The following GULP1 variants were observed in gnomAD, a reference collection of about 807,000 sequenced individuals.
GULP1 encodes GULP PTB domain containing engulfment adaptor 1, also known as PTB domain-containing engulfment adapter protein 1.
Under a neutral mutation model 40.9 loss-of-function variants are expected in GULP1, and 19 were observed. The ratio of observed to expected loss-of-function variants is 0.46; its 90% CI spans 0.32 to 0.68. The LOEUF is 0.68. Ranked by LOEUF, GULP1 falls within the 30% of genes least tolerant of loss-of-function variation. GULP1 has a pLI of 0.03. For missense variants in GULP1, 312 were observed against 362.2 expected (o/e 0.86, Z 1.12); for synonymous variants, 119 against 117.6 (o/e 1.01, Z -0.08).
intron 2 of GULP1, among the ~76,000 whole-genome samples, chr2:188,474,822 A>T (rs1423188134): frequency 6.6e-6 from 1 of 152,102 alleles, no homozygotes; most frequent in Non-Finnish European, 1.5e-5. Flanking sequence ...AAAAGTAACA[A>T]TTTTTTAATA....
chr2:188,362,400 GA>G (rs1166540454), intron 1 of GULP1, among the ~76,000 whole-genome samples: 1 of 151,950 alleles, frequency 6.6e-6, no homozygotes, highest in East Asian at 1.9e-4. Context: ...CTCATTTTTG[GA>G]AATGTTTTTC....
At chr2:188,403,852 T>C (rs527604860) in intron 2 of GULP1, among the ~76,000 whole-genome samples, 2 of 152,158 alleles carry the variant, frequency 1.3e-5, no homozygotes, top group Non-Finnish European at 2.9e-5. Context: ...GAAAATCTCC[T>C]GTTTATCTTC....
At chr2:188,432,923 A>G (rs1427394698) in intron 2 of GULP1, among the ~76,000 whole-genome samples, 1 of 152,096 alleles carries the variant, frequency 6.6e-6, no homozygotes, top group Non-Finnish European at 1.5e-5. Context: ...TATTGCTTTT[A>G]CTTCAGAACT....
At chr2:188,327,889 G>A (rs991568558) in intron 1 of GULP1, among the ~76,000 whole-genome samples, 5 of 152,144 alleles carry the variant, frequency 3.3e-5, no homozygotes, top group African/African-American at 1.2e-4. Flanking sequence ...AATTAGTTCA[G>A]TGTATAATGA....
intron 2 of GULP1, among the ~76,000 whole-genome samples, chr2:188,407,942 G>A (rs1030725500): frequency 6.6e-6 from 1 of 152,128 alleles, no homozygotes; most frequent in East Asian, 1.9e-4. Flanking sequence ...AAAGTAAAAG[G>A]ATGCAAAAAG....
chr2:188,501,784 T>C (rs1436912761), intron 4 of GULP1, among the ~76,000 whole-genome samples: 2 of 151,964 alleles, frequency 1.3e-5, no homozygotes, highest in African/African-American at 4.8e-5. Flanking sequence ...CACCCCTTGG[T>C]ATGCTCCTGC....
chr2:188,529,137 C>G lies in GULP1; in HGVS notation c.203C>G (p.Pro68Arg), dbSNP rs1686913380. 6.3e-7 allele frequency: 1 copy of G among 1,585,392 alleles called. No individual in the cohort carries two copies. The highest frequency in any genetic ancestry group is 1.4e-5 in the African/African-American group (1 of 73,846). ...HIKKSEGQKI[P>R]KVELQISIYG... Reference sequence around the variant, plus strand: ...AAGAAATCTGAAGGCCAGAAAATTCCTAAAGTGGAGTTGCAAATATCAATT... The same window carrying G: ...AAGAAATCTGAAGGCCAGAAAATTCGTAAAGTGGAGTTGCAAATATCAATT... The change falls in exon 6 of 12, where the codon CCT becomes CGT. Residue 68 changes from proline (P) to arginine (R), a missense_variant. Transcript: ENST00000409830.
Position 188,485,861 on chromosome 2 carries a change from T to A in GULP1, c.90+2369T>A, listed in dbSNP as rs149409467. On this transcript the variant is annotated intron_variant, in intron 4 of 11. Transcript: ENST00000409830. Reference sequence around the variant, plus strand: ...CATCAGTTCTGTCCCTCAGTTCTGTTCTTAGAGCCATTCAATTCACTGGAT... The same window carrying A: ...CATCAGTTCTGTCCCTCAGTTCTGTACTTAGAGCCATTCAATTCACTGGAT... 4.7e-3 allele frequency among the ~76,000 whole-genome samples: 719 copies of A among 152,164 alleles called. 9 individuals are homozygous for A. Among genetic ancestry groups the A allele is most frequent in the Non-Finnish European group, 5.1e-3 (348 of 67,940 alleles).
intron 2 of GULP1, among the ~76,000 whole-genome samples, chr2:188,388,868 T>C (rs1168320060): frequency 6.6e-6 from 1 of 152,226 alleles, no homozygotes; most frequent in Admixed American, 6.5e-5. Flanking sequence ...AATAATTATG[T>C]TGGCATGCAG....
rs1472714397 is a variant in GULP1, at chr2:188,595,794, G to C, written c.*1783G>C. The stretch of plus-strand genomic sequence containing the variant: ...ACTCTGCTACTGGCATGATGAAATA[G>C]TACATAACTGGTCATTAATTATGAA... On this transcript the variant is annotated 3_prime_UTR_variant, in exon 12 of 12. Transcript: ENST00000409830. 6.6e-6 allele frequency: 1 copy of C among 152,218 alleles called. No homozygotes were observed. Among genetic ancestry groups the C allele is most frequent in the Non-Finnish European group, 1.5e-5 (1 of 67,774 alleles). The allele number at this position is 152,218 out of a possible 1,614,324, so 9.4% of individuals were successfully genotyped here. A position where few individuals can be genotyped will look rare whatever the true frequency, so the allele number is the denominator to read the frequency against.
chr2:188,397,432 C>T (rs375358233), intron 2 of GULP1, among the ~76,000 whole-genome samples: 12 of 152,174 alleles, frequency 7.9e-5, no homozygotes, highest in South Asian at 2.1e-4. Context: ...TACCCTGAGA[C>T]GATAAGATTC....
At chr2:188,547,987 T>C (rs1424116882) in intron 7 of GULP1, among the ~76,000 whole-genome samples, 9 of 152,072 alleles carry the variant, frequency 5.9e-5, no homozygotes. Flanking sequence ...CTTCCTCAAT[T>C]TGATAAAGAG....
chr2:188,355,166 T>C (rs997220828), intron 1 of GULP1, among the ~76,000 whole-genome samples: 4 of 150,824 alleles, frequency 2.7e-5, no homozygotes, highest in African/African-American at 9.7e-5. Flanking sequence ...AAACCCAAAA[T>C]TAGAAAGAAG....
At chr2:188,441,284 TGG>T (rs1180440479) in intron 2 of GULP1, among the ~76,000 whole-genome samples, 9 of 152,332 alleles carry the variant, frequency 5.9e-5, no homozygotes, top group Admixed American at 3.3e-4. Flanking sequence ...ACTATATATC[TGG>T]CTTTCTATAC....
intron 6 of GULP1, among the ~76,000 whole-genome samples, chr2:188,538,198 G>T (rs1252487022): frequency 1.3e-5 from 2 of 151,792 alleles, no homozygotes; most frequent in African/African-American, 4.8e-5. Flanking sequence ...ATTCCACTCA[G>T]ATTTTAGTTA....
intron 1 of GULP1, among the ~76,000 whole-genome samples, chr2:188,374,814 G>A (rs1041606791): frequency 1.4e-4 from 22 of 152,120 alleles, no homozygotes; most frequent in Non-Finnish European, 2.6e-4. Context: ...GAATATTTTG[G>A]TGGAGGGGAG....
At chr2:188,525,195 C>G (rs1339874256) in intron 5 of GULP1, among the ~76,000 whole-genome samples, 1 of 151,802 alleles carries the variant, frequency 6.6e-6, no homozygotes, top group African/African-American at 2.4e-5. Flanking sequence ...AAAACATGTT[C>G]TTTATTTCCT....
intron 7 of GULP1, among the ~76,000 whole-genome samples, chr2:188,565,942 A>G (rs1190246459): frequency 6.6e-6 from 1 of 151,758 alleles, no homozygotes; most frequent in Non-Finnish European, 1.5e-5. Context: ...ATATTAGTCT[A>G]TTTTTATAGA....
intron 4 of GULP1, among the ~76,000 whole-genome samples, chr2:188,491,263 A>G (rs2062361789): frequency 6.6e-6 from 1 of 152,088 alleles, no homozygotes; most frequent in Admixed American, 6.6e-5. Context: ...TGGAGGAAAA[A>G]AAAACATGTT....
Sources: allele counts gnomAD v4.1 joint callset (sites outside exome capture counted in the v4.1 genomes callset), GRCh38; gene constraint gnomAD v4.1.1; transcripts MANE v1.5; gene names NCBI Gene and HGNC (gene_info 2026-07-23, HGNC 2026-07-21).